PCCA: variants seen among roughly 807,000 people sequenced by gnomAD.
The protein encoded by PCCA is propionyl-CoA carboxylase alpha chain, mitochondrial.
Under a neutral mutation model 101.3 loss-of-function variants are expected in PCCA, and 74 were observed. The observed-to-expected ratio is 0.73, with a 90% CI of 0.61 to 0.89. The LOEUF (loss-of-function observed/expected upper bound fraction) is 0.89. Among genes scored for constraint, PCCA ranks in the 40% least tolerant of loss-of-function variants. The pLI is 0.00. For missense variants in PCCA, 891 were observed against 907.0 expected (o/e 0.98, Z 0.23); for synonymous variants, 294 against 313.6 (o/e 0.94, Z 0.66).
intron 21 of PCCA, among the ~76,000 whole-genome samples, chr13:100,497,385 A>G (rs1043979501): frequency 3.9e-5 from 6 of 152,234 alleles, no homozygotes; most frequent in Admixed American, 6.5e-5. Flanking sequence ...GAAGCCTACT[A>G]TTCTTTGGCT....
chr13:100,457,616 C>A (rs1341126295), intron 21 of PCCA, among the ~76,000 whole-genome samples: 1 of 152,160 alleles, frequency 6.6e-6, no homozygotes, highest in Non-Finnish European at 1.5e-5. Flanking sequence ...GAACCTGAGT[C>A]TTTTTATACT....
At chr13:100,524,758 G>A (rs1025339817) in intron 22 of PCCA, among the ~76,000 whole-genome samples, 1 of 152,108 alleles carries the variant, frequency 6.6e-6, no homozygotes, top group Admixed American at 6.5e-5. Context: ...TGTATTCCCA[G>A]CTACTCAGGA....
intron 6 of PCCA, among the ~76,000 whole-genome samples, chr13:100,180,933 A>G (rs971583650): frequency 6.6e-6 from 1 of 152,204 alleles, no homozygotes; most frequent in Non-Finnish European, 1.5e-5. Context: ...GGCTTAAGCC[A>G]TTGTGGGCCA....
intron 7 of PCCA, 143 bp from the exon 8 acceptor site, chr13:100,235,699 T>C: frequency 1.6e-6 from 1 of 610,012 alleles, no homozygotes; most frequent in Non-Finnish European, 3.0e-6. Context: ...ATTTTACATT[T>C]CTCTGAATGA....
At position 100,117,689 on chromosome 13, in the gene PCCA, G is replaced by T. The variant is rs529136002; in HGVS notation, c.300+5628G>T. ...CCTAATGTAAATGACGAGTTGATGGGTGCAGCAAAACAACATGAGACATGT... is the reference window on the plus strand; with the variant it reads ...CCTAATGTAAATGACGAGTTGATGGTTGCAGCAAAACAACATGAGACATGT... On this transcript the variant is annotated intron_variant, in intron 4 of 23. Transcript: ENST00000376285. 6.6e-5 allele frequency among the ~76,000 whole-genome samples: 10 copies of T among 152,154 alleles called. No homozygotes were observed. The East Asian group carries it at 1.5e-3, about 23-fold the overall frequency.
At chr13:100,425,602 A>T in intron 19 of PCCA, 31 bp from the exon 20 acceptor site, 1 of 1,447,110 alleles carries the variant, frequency 6.9e-7, no homozygotes, top group Admixed American at 1.7e-5. Flanking sequence ...GTCTTTCTTC[A>T]TGGTAATGGT....
At chr13:100,382,038 C>T (rs945063215) in intron 19 of PCCA, among the ~76,000 whole-genome samples, 6 of 152,232 alleles carry the variant, frequency 3.9e-5, no homozygotes, top group Non-Finnish European at 8.8e-5. Context: ...GTTAACAGCT[C>T]AGTTGGCCTG....
At chr13:100,485,290 C>T (rs1315825169) in intron 21 of PCCA, among the ~76,000 whole-genome samples, 1 of 152,168 alleles carries the variant, frequency 6.6e-6, no homozygotes, top group Non-Finnish European at 1.5e-5. Context: ...TCTTTCTCTC[C>T]CATATTTTGC....
At chr13:100,132,510 G>A (rs779130816) in intron 4 of PCCA, among the ~76,000 whole-genome samples, 2 of 152,082 alleles carry the variant, frequency 1.3e-5, no homozygotes, top group African/African-American at 4.8e-5. Flanking sequence ...TTTTATTACC[G>A]AGTAGTGTTG....
At chr13:100,475,212 G>A (rs905706588) in intron 21 of PCCA, among the ~76,000 whole-genome samples, 4 of 152,064 alleles carry the variant, frequency 2.6e-5, no homozygotes, top group African/African-American at 7.2e-5. Flanking sequence ...AGCACCCAGC[G>A]ATTCACTGGT....
intron 16 of PCCA, among the ~76,000 whole-genome samples, chr13:100,322,089 C>T (rs1193919236): frequency 6.6e-6 from 1 of 152,168 alleles, no homozygotes; most frequent in Non-Finnish European, 1.5e-5. Flanking sequence ...TTATTTACCT[C>T]TCATGTAACT....
At chr13:100,371,222 C>T (rs975464011) in intron 19 of PCCA, among the ~76,000 whole-genome samples, 2 of 151,944 alleles carry the variant, frequency 1.3e-5, no homozygotes, top group African/African-American at 4.8e-5. Flanking sequence ...ATGTATACAC[C>T]ACAATAATGG....
intron 21 of PCCA, among the ~76,000 whole-genome samples, 177 bp downstream of exon 21, chr13:100,449,482 T>C (rs1284825005): frequency 6.6e-6 from 1 of 152,162 alleles, no homozygotes; most frequent in East Asian, 1.9e-4. Context: ...TTTATTTTAG[T>C]GTTTGGAATT....
chr13:100,490,792 T>C (rs1306310063), intron 21 of PCCA: 1 of 152,270 alleles, frequency 6.6e-6, no homozygotes, highest in Non-Finnish European at 1.5e-5. Context: ...TAATGGACTC[T>C]TCAAGACAGT....
chr13:100,089,111 G>C lies in PCCA; in HGVS notation c.-10G>C. ...AGAGGTCAGCAGAGGGGCGGTCTGC[G>C]GGGACAACAATGGCGGGGTTCTGGG... On this transcript the variant is annotated 5_prime_UTR_variant, in exon 1 of 24. Coordinates refer to ENST00000376285, the MANE Select transcript of PCCA (RefSeq NM_000282.4). The C allele has an allele frequency of 2.7e-6, 4 of 1,487,480 alleles. No individual in the cohort carries two copies. Among genetic ancestry groups the C allele is most frequent in the Non-Finnish European group, 3.6e-6 (4 of 1,114,526 alleles). 92.1% of individuals were successfully genotyped at this position (1,487,480 alleles called of 1,614,324 possible).
intron 21 of PCCA, among the ~76,000 whole-genome samples, chr13:100,503,496 A>C (rs965198974): frequency 1.3e-5 from 2 of 152,054 alleles, no homozygotes; most frequent in African/African-American, 2.4e-5. Flanking sequence ...ATCCCCCCCC[A>C]AAAAAGAAAT....
At chr13:100,283,251 ATGAT>A (rs2064286303) in intron 12 of PCCA, among the ~76,000 whole-genome samples, 2 of 152,188 alleles carry the variant, frequency 1.3e-5, no homozygotes, top group African/African-American at 4.8e-5. Flanking sequence ...AGTCAAGTAA[ATGAT>A]AGAATGACAG....
intron 17 of PCCA, among the ~76,000 whole-genome samples, chr13:100,333,484 C>T (rs1311036748): frequency 1.3e-5 from 2 of 152,158 alleles, no homozygotes; most frequent in African/African-American, 2.4e-5. Flanking sequence ...GCCAGTTTTA[C>T]TAGAGATTCT....
intron 1 of PCCA, among the ~76,000 whole-genome samples, chr13:100,091,726 G>GTTTA (rs2046299362): frequency 2.0e-5 from 3 of 152,192 alleles, no homozygotes; most frequent in Admixed American, 2.0e-4. Context: ...AGTCAACAGA[G>GTTTA]TTTATTTATT....
Sources: allele counts gnomAD v4.1 joint callset (sites outside exome capture counted in the v4.1 genomes callset), GRCh38; gene constraint gnomAD v4.1.1; transcripts MANE v1.5; gene names NCBI Gene and HGNC (gene_info 2026-07-23, HGNC 2026-07-21).